The following PIP5K1B variants were observed in gnomAD, a reference collection of about 807,000 sequenced individuals.
The protein encoded by PIP5K1B is phosphatidylinositol-4-phosphate 5-kinase type 1 beta, also known as phosphatidylinositol 4-phosphate 5-kinase type-1 beta.
A neutral mutation model predicts 67.0 loss-of-function variants in PIP5K1B; 42 were observed. The ratio of observed to expected loss-of-function variants is 0.63; its 90% CI spans 0.49 to 0.81. PIP5K1B has a LOEUF of 0.81. Among genes scored for constraint, PIP5K1B ranks in the 30% least tolerant of loss-of-function variants. The pLI is 0.00. For synonymous variants in PIP5K1B, 214 were observed against 231.4 expected (o/e 0.92, Z 0.68); for missense variants, 459 against 646.3 (o/e 0.71, Z 3.14).
intron 8 of PIP5K1B, among the ~76,000 whole-genome samples, chr9:68,914,174 G>A (rs1158489411): frequency 6.6e-6 from 1 of 152,044 alleles, no homozygotes; most frequent in Non-Finnish European, 1.5e-5. Context: ...TATAAAAAAA[G>A]CATTTTTTTA....
At chr9:68,882,629 C>T (rs965772708) in intron 6 of PIP5K1B, among the ~76,000 whole-genome samples, 12 of 152,124 alleles carry the variant, frequency 7.9e-5, no homozygotes, top group African/African-American at 2.9e-4. Context: ...CCCCTAATTT[C>T]TCAATTTGCA....
Position 68,940,791 on chromosome 9 carries a change from G to A in PIP5K1B, c.1502+1G>A, listed in dbSNP as rs1168154676. 5.0e-6 allele frequency: 8 copies of A among 1,613,206 alleles called. No homozygotes were observed. The highest frequency in any genetic ancestry group is 6.8e-6 in the Non-Finnish European group (8 of 1,179,370). ...ACAGGCCTACACTCTATTCAAACAG[G>A]TAATACTTAGTGCAGTCAAATAACC... On this transcript the variant is annotated splice_donor_variant, in intron 14 of 15. Transcript: ENST00000265382. LOFTEE classifies it high-confidence loss of function.
At chr9:68,929,622 A>T (rs1826891584) in intron 12 of PIP5K1B, among the ~76,000 whole-genome samples, 1 of 152,126 alleles carries the variant, frequency 6.6e-6, no homozygotes, top group Non-Finnish European at 1.5e-5. Flanking sequence ...AGTAATCAAC[A>T]ATCATTGCTC....
Position 68,953,805 on chromosome 9 carries a change from TAAAAAAAAAA to T in PIP5K1B, c.1502+13031_1502+13040del, listed in dbSNP as rs71353095. ...TGGGCAACAGAGCAAGACTCTGTCT[TAAAAAAAAAA>T]AAAAAAAAAAAAAAATCCCTGACTG... On this transcript the variant is annotated intron_variant, in intron 14 of 15. Coordinates refer to ENST00000265382, the MANE Select transcript of PIP5K1B (RefSeq NM_003558.4). Among the ~76,000 whole-genome samples, 46 of 108,590 alleles carry T rather than the reference TAAAAAAAAAA, an allele frequency of 4.2e-4. 1 individual carries two copies. Among genetic ancestry groups the T allele is most frequent in the East Asian group, 3.1e-3 (13 of 4,250 alleles). 71.2% of individuals were successfully genotyped at this position (108,590 alleles called of 152,430 possible).
intron 14 of PIP5K1B, among the ~76,000 whole-genome samples, chr9:68,989,768 T>C (rs577809111): frequency 5.9e-5 from 9 of 152,058 alleles, no homozygotes; most frequent in Admixed American, 2.0e-4. Flanking sequence ...TCACCTGAGG[T>C]CAGGAGTTCA....
At chr9:68,770,806 CA>C (rs1171520393) in intron 2 of PIP5K1B, among the ~76,000 whole-genome samples, 2 of 152,088 alleles carry the variant, frequency 1.3e-5, no homozygotes, top group Non-Finnish European at 2.9e-5. Context: ...GGTCTGGTGC[CA>C]AAAATGTTGG....
At chr9:68,755,409 G>A (rs537870674) in intron 2 of PIP5K1B, among the ~76,000 whole-genome samples, 96 of 152,328 alleles carry the variant, frequency 6.3e-4, no homozygotes, top group Non-Finnish European at 1.1e-3. Flanking sequence ...GTCAGAGGAA[G>A]ATACTAATTC....
chr9:68,822,499 A>C, intron 3 of PIP5K1B, 116 bp from the exon 4 acceptor site: 1 of 689,466 alleles, frequency 1.5e-6, no homozygotes, highest in Non-Finnish European at 2.5e-6. Context: ...GAACAACAGC[A>C]ATAGCAATAA....
chr9:68,993,359 A>G (rs1226805626), intron 15 of PIP5K1B, among the ~76,000 whole-genome samples: 2 of 151,636 alleles, frequency 1.3e-5, no homozygotes, highest in East Asian at 1.9e-4. Context: ...ATTCTTTTCC[A>G]CCTATCCCAT....
intron 8 of PIP5K1B, among the ~76,000 whole-genome samples, chr9:68,907,103 T>C (rs996878865): frequency 6.6e-6 from 1 of 152,356 alleles, no homozygotes; most frequent in East Asian, 1.9e-4. Flanking sequence ...CTGAAACTTA[T>C]CAGTTAGTAA....
chr9:68,731,514 C>T (rs10869253), intron 1 of PIP5K1B, among the ~76,000 whole-genome samples: 81,753 of 151,970 alleles, frequency 0.54, 22,342 homozygotes, highest in East Asian at 0.76. Flanking sequence ...TTGAAAGGTG[C>T]GGAGGGCAAA....
At chr9:68,939,986 C>T (rs1343959203) in intron 13 of PIP5K1B, among the ~76,000 whole-genome samples, 1 of 152,194 alleles carries the variant, frequency 6.6e-6, no homozygotes, top group African/African-American at 2.4e-5. Context: ...GAACATTCCT[C>T]TTTCCTCACA....
intron 8 of PIP5K1B, among the ~76,000 whole-genome samples, chr9:68,908,876 T>C (rs1011807925): frequency 6.6e-6 from 1 of 152,214 alleles, no homozygotes; most frequent in Non-Finnish European, 1.5e-5. Context: ...CATTAACTCC[T>C]TGTTCAGGAA....
chr9:68,894,315 T>C (rs765330001), intron 7 of PIP5K1B, 24 bp from the exon 8 acceptor site: 2 of 1,444,866 alleles, frequency 1.4e-6, no homozygotes, highest in South Asian at 1.2e-5. Flanking sequence ...ATTGTAAATA[T>C]ATTTTTCTTT....
chr9:69,007,721 A>G (rs953710260), intron 15 of PIP5K1B, among the ~76,000 whole-genome samples: 12 of 152,000 alleles, frequency 7.9e-5, no homozygotes, highest in East Asian at 3.9e-4. Flanking sequence ...GCCAGGCGTG[A>G]TGGCAGGCAG....
intron 6 of PIP5K1B, among the ~76,000 whole-genome samples, chr9:68,883,229 C>T (rs1203704264): frequency 1.3e-5 from 2 of 152,220 alleles, no homozygotes; most frequent in Non-Finnish European, 2.9e-5. Context: ...TCACAAATCG[C>T]TCTTCCACAA....
At chr9:68,912,945 T>C (rs1202674253) in intron 8 of PIP5K1B, among the ~76,000 whole-genome samples, 1 of 152,326 alleles carries the variant, frequency 6.6e-6, no homozygotes, top group Non-Finnish European at 1.5e-5. Flanking sequence ...GGAACACTCA[T>C]GCATCACCAG....
intron 2 of PIP5K1B, among the ~76,000 whole-genome samples, chr9:68,772,768 A>T (rs1263470778): frequency 6.6e-6 from 1 of 152,190 alleles, no homozygotes; most frequent in Non-Finnish European, 1.5e-5. Flanking sequence ...AGGGAAGAAG[A>T]TGAAGAAAGA....
chr9:68,977,641 A>G (rs1454429161), intron 14 of PIP5K1B, among the ~76,000 whole-genome samples: 1 of 149,726 alleles, frequency 6.7e-6, no homozygotes, highest in African/African-American at 2.5e-5. Context: ...TCATAATCAT[A>G]TAATTATTGG....
Sources: allele counts gnomAD v4.1 joint callset (sites outside exome capture counted in the v4.1 genomes callset), GRCh38; gene constraint gnomAD v4.1.1; transcripts MANE v1.5; gene names NCBI Gene and HGNC (gene_info 2026-07-23, HGNC 2026-07-21).